The following FNDC3B variants were observed in gnomAD, a reference collection of about 807,000 sequenced individuals.
FNDC3B encodes the protein fibronectin type III domain containing 3B.
Under a neutral mutation model 151.5 loss-of-function variants are expected in FNDC3B, and 12 were observed. The observed-to-expected ratio is 0.08, with a 90% CI of 0.05 to 0.13. The LOEUF is 0.13. Ranked by LOEUF, FNDC3B falls within the 10% of genes least tolerant of loss-of-function variation. The probability of loss-of-function intolerance (pLI) is 1.00; values close to 1 mark genes in which losing one functional copy is unlikely to be tolerated. For missense variants in FNDC3B, 1,214 were observed against 1,505.3 expected (o/e 0.81, Z 3.20); for synonymous variants, 528 against 549.0 (o/e 0.96, Z 0.54).
intron 6 of FNDC3B, among the ~76,000 whole-genome samples, chr3:172,253,428 A>G (rs752406696): frequency 1.3e-5 from 2 of 152,178 alleles, no homozygotes; most frequent in African/African-American, 4.8e-5. Context: ...ACAATGTTTC[A>G]GTTGTGTCTG....
intron 3 of FNDC3B, among the ~76,000 whole-genome samples, chr3:172,204,792 G>A (rs1262665353): frequency 1.3e-5 from 2 of 152,212 alleles, no homozygotes; most frequent in Non-Finnish European, 2.9e-5. Flanking sequence ...TGGAAAAGAT[G>A]TGGCATTCCT....
rs148995737 is a variant in FNDC3B, at chr3:172,233,505, T to C, written c.264+6558T>C. Among the ~76,000 whole-genome samples the C allele has an allele frequency of 6.0e-4, 91 of 152,210 alleles. 1 individual carries two copies. The East Asian group carries it at 0.015, about 25-fold the overall frequency. On this transcript the variant is annotated intron_variant, in intron 4 of 25. Coordinates refer to ENST00000415807, the MANE Select transcript of FNDC3B (RefSeq NM_022763.4). ...TGGTTGGTCATTTGCCAATGATGAG[T>C]GGAGAGCTGGCCAGAAAGCAGACAC...
intron 9 of FNDC3B, among the ~76,000 whole-genome samples, chr3:172,299,197 C>T (rs761346189): frequency 2.0e-5 from 3 of 152,124 alleles, no homozygotes; most frequent in Non-Finnish European, 4.4e-5. Context: ...GCAAGCACAC[C>T]GTTAGACCTT....
chr3:172,346,745 C>G (rs956295595), intron 20 of FNDC3B, among the ~76,000 whole-genome samples: 8 of 151,838 alleles, frequency 5.3e-5, no homozygotes, highest in Admixed American at 3.3e-4. Context: ...ATCTTGTCAC[C>G]CAGGCTGGAG....
intron 14 of FNDC3B, among the ~76,000 whole-genome samples, chr3:172,334,373 A>G (rs777420073): frequency 7.2e-6 from 1 of 138,108 alleles, no homozygotes; most frequent in Non-Finnish European, 1.5e-5. Flanking sequence ...CCAGGTGATG[A>G]CATACTTGTT....
chr3:172,306,396 G>A (rs994797337), intron 9 of FNDC3B, among the ~76,000 whole-genome samples: 5 of 152,288 alleles, frequency 3.3e-5, no homozygotes, highest in Admixed American at 3.3e-4. Flanking sequence ...GTCTGCAATG[G>A]GTAATAAGAT....
At chr3:172,195,605 G>C (rs1407850585) in intron 3 of FNDC3B, among the ~76,000 whole-genome samples, 1 of 152,142 alleles carries the variant, frequency 6.6e-6, no homozygotes, top group Non-Finnish European at 1.5e-5. Context: ...TCTATGCCTG[G>C]AGGTGCTTGT....
intron 16 of FNDC3B, 126 bp from the exon 17 acceptor site, chr3:172,340,987 G>A (rs1733284779): frequency 1.4e-6 from 1 of 690,790 alleles, no homozygotes; most frequent in African/African-American, 1.8e-5. Context: ...AGAGCTTTCT[G>A]GCTATTTAAA....
intron 3 of FNDC3B, among the ~76,000 whole-genome samples, chr3:172,174,272 A>T (rs1031844499): frequency 1.3e-5 from 2 of 152,222 alleles, no homozygotes; most frequent in African/African-American, 4.8e-5. Flanking sequence ...CCAAATACTG[A>T]GCTTATTCCA....
At chr3:172,273,149 C>G (rs1729280891) in intron 6 of FNDC3B, among the ~76,000 whole-genome samples, 1 of 152,162 alleles carries the variant, frequency 6.6e-6, no homozygotes, top group Admixed American at 6.5e-5. Flanking sequence ...CAGAAACCAA[C>G]TATTTAATAA....
chr3:172,180,724 A>G (rs1344084625), intron 3 of FNDC3B, among the ~76,000 whole-genome samples: 3 of 152,204 alleles, frequency 2.0e-5, no homozygotes, highest in Admixed American at 2.0e-4. Flanking sequence ...GCAGACAGTC[A>G]TTGGAACAGT....
chr3:172,105,880 C>CTAA (rs36050708), intron 1 of FNDC3B, among the ~76,000 whole-genome samples: 101,154 of 151,806 alleles, frequency 0.67, 33,862 homozygotes, highest in East Asian at 0.78. Context: ...GCTGATTTTA[C>CTAA]TGTGTCTGTG....
At chr3:172,331,649 C>T (rs989863333) in intron 13 of FNDC3B, among the ~76,000 whole-genome samples, 4 of 152,040 alleles carry the variant, frequency 2.6e-5, no homozygotes, top group East Asian at 1.9e-4. Flanking sequence ...TGTGAGCCAC[C>T]GCACCCAGCC....
chr3:172,221,946 TC>T (rs756715636), intron 3 of FNDC3B, among the ~76,000 whole-genome samples: 13 of 152,354 alleles, frequency 8.5e-5, no homozygotes, highest in Non-Finnish European at 1.9e-4. Flanking sequence ...TATGGCTACT[TC>T]TGCCAGCAAG....
At chr3:172,090,996 A>T (rs998083806) in intron 1 of FNDC3B, among the ~76,000 whole-genome samples, 1 of 152,272 alleles carries the variant, frequency 6.6e-6, no homozygotes, top group Admixed American at 6.5e-5. Context: ...GAAAATTCAG[A>T]TCTGAAATCT....
At chr3:172,305,648 C>A (rs1731159530) in intron 9 of FNDC3B, among the ~76,000 whole-genome samples, 1 of 152,166 alleles carries the variant, frequency 6.6e-6, no homozygotes, top group African/African-American at 2.4e-5. Flanking sequence ...TCTTTTAATT[C>A]ATAGGTGGCT....
chr3:172,056,224 A>T lies in FNDC3B; in HGVS notation c.-29+16453A>T, dbSNP rs570809774. On this transcript the variant is annotated intron_variant, in intron 1 of 25. Transcript: ENST00000415807. The stretch of plus-strand genomic sequence containing the variant: ...ACTAATGAAGGACTTTTTTTTTTTA[A>T]AAAATGTATTTTTAACACAGATTGG... Among the ~76,000 whole-genome samples, 261 of 150,940 alleles carry T rather than the reference A, an allele frequency of 1.7e-3. 2 individuals carry two copies. The highest frequency in any genetic ancestry group is 5.2e-3 in the South Asian group (25 of 4,798).
intron 23 of FNDC3B, among the ~76,000 whole-genome samples, chr3:172,373,201 C>A (rs189605798): frequency 2.0e-5 from 3 of 152,354 alleles, no homozygotes; most frequent in Admixed American, 6.5e-5. Context: ...TTCACCATTT[C>A]CTGCTGCTTT....
intron 6 of FNDC3B, among the ~76,000 whole-genome samples, chr3:172,267,905 G>A (rs1729007449): frequency 6.6e-6 from 1 of 152,154 alleles, no homozygotes; most frequent in African/African-American, 2.4e-5. Flanking sequence ...TTTCTCTGAT[G>A]GCTGTCATGT....
Sources: allele counts gnomAD v4.1 joint callset (sites outside exome capture counted in the v4.1 genomes callset), GRCh38; gene constraint gnomAD v4.1.1; transcripts MANE v1.5; gene names NCBI Gene and HGNC (gene_info 2026-07-23, HGNC 2026-07-21).